Variants in AMOTL2 observed in about 807,000 individuals in gnomAD.
AMOTL2 encodes the protein angiomotin-like protein 2.
AMOTL2 carries 33 observed loss-of-function variants against 78.4 expected under a neutral mutation model. The ratio of observed to expected loss-of-function variants is 0.42; its 90% CI spans 0.32 to 0.56. AMOTL2 has a LOEUF of 0.56. Among genes scored for constraint, AMOTL2 ranks in the 20% least tolerant of loss-of-function variants. The pLI is 0.12. For synonymous variants in AMOTL2, 422 were observed against 428.8 expected, an observed-to-expected ratio of 0.98 and a Z score of 0.20; for missense variants, 983 against 1,030.1, an observed-to-expected ratio of 0.95 and a Z score of 0.63.
intron 3 of AMOTL2, among the ~76,000 whole-genome samples, chr3:134,367,083 T>A (rs1031286598): frequency 3.3e-5 from 5 of 151,812 alleles, no homozygotes; most frequent in African/African-American, 1.2e-4. Context: ...AAGTCGCCCA[T>A]TTTTTTTCCA....
rs753273915 is a variant in AMOTL2, at chr3:134,359,405, G to A, written c.1982C>T (p.Ser661Phe). 8.7e-6 allele frequency: 14 copies of A among 1,614,196 alleles called. No homozygotes were observed. The highest frequency in any genetic ancestry group is 1.2e-5 in the Non-Finnish European group (14 of 1,180,028). ...TGGCACCGACTTGGCAGGCCGCAGG[G>A]AGCCCTGGATGGCCTTGCCAGGGTC... ...RRDPGKAIQG[S>F]LRPAKSVPSV... is the part of the protein sequence containing the mutation. The change falls in exon 8 of 10, where the codon TCC (serine) becomes TTC (phenylalanine). Residue 661 changes from serine to phenylalanine, a missense_variant. Coordinates refer to ENST00000249883, the MANE Select transcript of AMOTL2 (RefSeq NM_016201.4).
rs971516054 is a variant in AMOTL2 at position 134,374,446 on chromosome 3, C to G, written c.-166G>C. 5.1e-6 allele frequency: 5 copies of G among 985,476 alleles called. No homozygotes were observed. Among genetic ancestry groups the G allele is most frequent in the Non-Finnish European group, 6.0e-6 (5 of 829,988 alleles). 61.0% of individuals were successfully genotyped at this position (985,476 alleles called of 1,614,324 possible). A position where few individuals can be genotyped will look rare whatever the true frequency, so the allele number is the denominator to read the frequency against. ...TGTTCTCGGCCGTGGCGCCGACGCT[C>G]TGGCTGTTCGCGCCCCAGCGCGCAG... is the stretch of plus-strand genomic sequence containing the variant. On this transcript the variant is annotated 5_prime_UTR_variant, in exon 1 of 10. Coordinates refer to ENST00000249883, the MANE Select transcript of AMOTL2 (RefSeq NM_016201.4).
chr3:134,374,987 C>A, upstream of AMOTL2: 1 of 1,417,516 alleles, frequency 7.1e-7, no homozygotes, highest in South Asian at 1.5e-5. Context: ...CATCCATATC[C>A]TCTGGGCTGG....
At position 134,367,818 on chromosome 3, in the gene AMOTL2, A is replaced by G. The variant is rs747037575; in HGVS notation, c.735-15T>C. 6.2e-7 allele frequency: 1 copy of G among 1,612,664 alleles called. No homozygotes were observed. The highest frequency in any genetic ancestry group is 8.5e-7 in the Non-Finnish European group (1 of 1,179,748). On this transcript the variant is annotated splice_polypyrimidine_tract_variant and intron_variant, in intron 2 of 9. Coordinates refer to ENST00000249883, the MANE Select transcript of AMOTL2 (RefSeq NM_016201.4). Reference sequence around the variant, plus strand: ...CCTGCAGGATCCTGGGGAACAGAAGAGACGGTGCTCAGAGACAGCACAGAC... The same window carrying G: ...CCTGCAGGATCCTGGGGAACAGAAGGGACGGTGCTCAGAGACAGCACAGAC...
chr3:134,359,614 T>A, intron 7 of AMOTL2, 111 bp from the exon 8 acceptor site: 1 of 848,794 alleles, frequency 1.2e-6, no homozygotes, highest in Non-Finnish European at 1.8e-6. Context: ...CCCCCAACCC[T>A]GCCAGGCTGG....
rs1252333741 is a variant in AMOTL2 at position 134,361,549 on chromosome 3, C to A, written c.1538G>T (p.Arg513Leu). Residue 513 changes from arginine to leucine, a missense_variant, in exon 6 of 10, where the codon CGC (arginine) becomes CTC (leucine). Transcript: ENST00000249883. ...REQLELRLRT[R>L]LEQELKALRA... Reference sequence around the variant, plus strand: ...CAGGGCCTTGAGTTCCTGCTCCAGGCGAGTCCGCAGACGCAGCTCCAGCTG... The same window carrying A: ...CAGGGCCTTGAGTTCCTGCTCCAGGAGAGTCCGCAGACGCAGCTCCAGCTG... 2 of 1,612,842 alleles carry A rather than the reference C, an allele frequency of 1.2e-6. No homozygotes were observed. The highest frequency in any genetic ancestry group is 8.5e-7 in the Non-Finnish European group (1 of 1,179,716).
At chr3:134,362,783 C>T (rs2017429836) in intron 5 of AMOTL2, among the ~76,000 whole-genome samples, 1 of 152,188 alleles carries the variant, frequency 6.6e-6, no homozygotes, top group Non-Finnish European at 1.5e-5. Context: ...CTTAAATCCA[C>T]CTCCCAGGCA....
At chr3:134,373,601 G>A in intron 1 of AMOTL2, 2 of 985,486 alleles carry the variant, frequency 2.0e-6, no homozygotes, top group Non-Finnish European at 2.4e-6. Flanking sequence ...GCTCCTGCTC[G>A]CCTAAGGAAC....
Position 134,368,175 on chromosome 3 carries a change from C to T in AMOTL2, c.735-372G>A, listed in dbSNP as rs371235441. 1.1e-4 allele frequency among the ~76,000 whole-genome samples: 16 copies of T among 152,228 alleles called. No individual in the cohort carries two copies. In the East Asian group the frequency reaches 2.5e-3, roughly 24 times the overall value. Reference sequence around the variant, plus strand: ...AAATACATCATCTTAAAAAATGCACCCTGACACTTCTAATCAATGGAAGGT... The same window carrying T: ...AAATACATCATCTTAAAAAATGCACTCTGACACTTCTAATCAATGGAAGGT... On this transcript the variant is annotated intron_variant, in intron 2 of 9. Transcript: ENST00000249883.
chr3:134,359,245 T>C (rs2017226217), intron 8 of AMOTL2, 38 bp downstream of exon 8: 1 of 1,604,586 alleles, frequency 6.2e-7, no homozygotes, highest in Non-Finnish European at 8.5e-7. Context: ...CCAGGAGAAA[T>C]TACCTCTCAA....
chr3:134,358,431 C>T (rs1162948995), intron 9 of AMOTL2, 109 bp downstream of exon 9: 12 of 1,322,468 alleles, frequency 9.1e-6, no homozygotes, highest in South Asian at 3.1e-5. Context: ...CCATGGAGTG[C>T]GGGCAATGAC....
At chr3:134,357,846 G>C in intron 9 of AMOTL2, 83 bp from the exon 10 acceptor site, 1 of 1,451,174 alleles carries the variant, frequency 6.9e-7, no homozygotes, top group South Asian at 1.1e-5. Flanking sequence ...GAAAGACAAA[G>C]ATCGTTCTTC....
chr3:134,358,100 A>G (rs2017153006), intron 9 of AMOTL2, among the ~76,000 whole-genome samples: 1 of 152,216 alleles, frequency 6.6e-6, no homozygotes. Context: ...AAATATGCAA[A>G]GGCCAATGTG....
chr3:134,359,295 G>A lies in AMOTL2; in HGVS notation c.2092C>T (p.Arg698Trp), dbSNP rs149761638. The A allele has an allele frequency of 1.5e-5, 24 of 1,614,144 alleles. No individual in the cohort carries two copies. The Admixed American group carries it at 1.7e-4, about 11-fold the overall frequency. The change falls in exon 8 of 10, where the codon CGG becomes TGG. Residue 698 changes from arginine to tryptophan, a missense_variant. Physicochemically the swap from Arg to Trp is moderately radical, Grantham distance 101. Coordinates refer to ENST00000249883, the MANE Select transcript of AMOTL2 (RefSeq NM_016201.4). ...AGCCTCCTCTTACCTGTAGTCAGCC[G>A]AGCAGGGGCGTCTGCTGTTTGTCGC... Reference protein sequence around the residue: ...SERQTADAPARLTTADRAPTE... With the variant: ...SERQTADAPAWLTTADRAPTE...
intron 6 of AMOTL2, 88 bp from the exon 7 acceptor site, chr3:134,360,501 G>A (rs1343428048): frequency 8.9e-6 from 10 of 1,120,770 alleles, no homozygotes; most frequent in East Asian, 2.5e-5. Context: ...ACTGTCACTT[G>A]TACATGTACG....
chr3:134,360,529 C>T, intron 6 of AMOTL2, 116 bp from the exon 7 acceptor site: 1 of 887,358 alleles, frequency 1.1e-6, no homozygotes. Flanking sequence ...CCATACACAG[C>T]ATACATTTCC....
chr3:134,375,080 C>T (rs1021842439), upstream of AMOTL2: 4 of 1,478,248 alleles, frequency 2.7e-6, no homozygotes, highest in African/African-American at 4.2e-5. Flanking sequence ...CCAGCGGCAA[C>T]CTTTGAATGC....
intron 2 of AMOTL2, among the ~76,000 whole-genome samples, chr3:134,369,645 C>T (rs960063876): frequency 2.0e-5 from 3 of 152,192 alleles, no homozygotes; most frequent in African/African-American, 4.8e-5. Flanking sequence ...ACTCATTTCT[C>T]GAGAGCAAGG....
intron 1 of AMOTL2, among the ~76,000 whole-genome samples, chr3:134,373,314 G>A (rs2017947803): frequency 6.6e-6 from 1 of 152,124 alleles, no homozygotes; most frequent in African/African-American, 2.4e-5. Flanking sequence ...CACAGAGAAG[G>A]CAGGGGAGCG....
Sources: allele counts gnomAD v4.1 joint callset (sites outside exome capture counted in the v4.1 genomes callset), GRCh38; gene constraint gnomAD v4.1.1; transcripts MANE v1.5; gene names NCBI Gene and HGNC (gene_info 2026-07-23, HGNC 2026-07-21).